Variants in CLVS1 observed in about 807,000 individuals in gnomAD.
The protein encoded by CLVS1 is clavesin-1.
In CLVS1, 10 loss-of-function variants were observed where a neutral mutation model predicts 33.1. The observed-to-expected ratio is 0.30, with a 90% CI of 0.19 to 0.51. CLVS1 has a LOEUF of 0.51. Ranked by LOEUF, CLVS1 falls within the 20% of genes least tolerant of loss-of-function variation. The pLI, the probability that CLVS1 is intolerant of heterozygous loss-of-function variation, is 0.97. For missense variants in CLVS1, 343 were observed against 433.4 expected (o/e 0.79, Z 1.85); for synonymous variants, 163 against 166.1 (o/e 0.98, Z 0.14).
chr8:61,069,413 CTT>C (rs1804749666), intron 1 of CLVS1, among the ~76,000 whole-genome samples: 2 of 73,688 alleles, frequency 2.7e-5, no homozygotes, highest in African/African-American at 1.1e-4. Context: ...CTCTCTCTTC[CTT>C]CCTTCCTTCC....
Position 61,499,708 on chromosome 8 carries a change from CA to C in CLVS1, c.*169del. The C allele has an allele frequency of 2.2e-6, 1 of 448,048 alleles. No homozygotes were observed. The highest frequency in any genetic ancestry group is 4.0e-6 in the Non-Finnish European group (1 of 247,276). The allele number at this position is 448,048 out of a possible 1,614,324, so 27.8% of individuals were successfully genotyped here. A position where few individuals can be genotyped will look rare whatever the true frequency, so the allele number is the denominator to read the frequency against. On this transcript the variant is annotated 3_prime_UTR_variant, in exon 6 of 6. Transcript: ENST00000325897. The stretch of plus-strand genomic sequence containing the variant: ...GTCACCAGCCATCGGTCTGAGCAGC[CA>C]AAGTTGGACAAAGACTTGAGAGATG...
intron 1 of CLVS1, among the ~76,000 whole-genome samples, chr8:61,093,594 G>A (rs1240091658): frequency 6.6e-6 from 1 of 152,240 alleles, no homozygotes; most frequent in African/African-American, 2.4e-5. Flanking sequence ...TCTATAGACA[G>A]TCCCTTTAGT....
chr8:61,197,814 C>T (rs535794196), intron 2 of CLVS1, among the ~76,000 whole-genome samples: 3 of 152,206 alleles, frequency 2.0e-5, no homozygotes, highest in Non-Finnish European at 4.4e-5. Flanking sequence ...GCCACAGTTT[C>T]ATTCATACCC....
chr8:61,324,666 A>G (rs150752184), intron 2 of CLVS1, among the ~76,000 whole-genome samples: 2,194 of 152,196 alleles, frequency 0.014, 43 homozygotes, highest in African/African-American at 0.049. Flanking sequence ...GATTTGTTGA[A>G]TGGCTTTGAC....
At chr8:61,003,897 CAAAAG>C in the CLVS1 span, among the ~76,000 whole-genome samples, 19 of 152,130 alleles carry the variant, frequency 1.2e-4, no homozygotes, top group Non-Finnish European at 1.5e-5. Flanking sequence ...GAAAAATTCT[CAAAAG>C]AAAGATAAAG....
chr8:61,263,122 C>T (rs1032057344), intron 2 of CLVS1, among the ~76,000 whole-genome samples: 2 of 152,080 alleles, frequency 1.3e-5, no homozygotes, highest in African/African-American at 4.8e-5. Flanking sequence ...CAAAGATGTC[C>T]CCGGCTAAGT....
the CLVS1 span, among the ~76,000 whole-genome samples, chr8:61,005,668 GC>G: frequency 6.6e-6 from 1 of 152,142 alleles, no homozygotes; most frequent in African/African-American, 2.4e-5. Flanking sequence ...TTGGAAAACT[GC>G]CGAGATATTT....
the CLVS1 span, among the ~76,000 whole-genome samples, chr8:61,018,266 C>G: frequency 1.3e-5 from 2 of 152,150 alleles, no homozygotes; most frequent in Admixed American, 6.5e-5. Context: ...CTCCAAATTT[C>G]GTGTTATTTT....
At chr8:61,253,643 C>T (rs1456427944) in intron 2 of CLVS1, among the ~76,000 whole-genome samples, 3 of 152,100 alleles carry the variant, frequency 2.0e-5, no homozygotes, top group African/African-American at 7.2e-5. Flanking sequence ...TTTCTCTAAA[C>T]TTCTCTTCTT....
intron 2 of CLVS1, among the ~76,000 whole-genome samples, chr8:61,218,592 C>G (rs1254874130): frequency 6.6e-6 from 1 of 150,558 alleles, no homozygotes; most frequent in Non-Finnish European, 1.5e-5. Flanking sequence ...TGTATTGAAA[C>G]ATTACTATGT....
intron 2 of CLVS1, among the ~76,000 whole-genome samples, chr8:61,192,991 A>G (rs1219375667): frequency 6.6e-6 from 1 of 152,294 alleles, no homozygotes; most frequent in East Asian, 1.9e-4. Context: ...AACTAGAAAT[A>G]CCATTTGACC....
chr8:61,037,642 T>C, the CLVS1 span, among the ~76,000 whole-genome samples: 2,832 of 152,268 alleles, frequency 0.019, 84 homozygotes, highest in African/African-American at 0.064. Context: ...CTCTTCAAAT[T>C]TGATAGCAGA....
chr8:61,185,150 T>G (rs1209556786), intron 2 of CLVS1, among the ~76,000 whole-genome samples: 1 of 132,318 alleles, frequency 7.6e-6, no homozygotes, highest in Non-Finnish European at 1.6e-5. Flanking sequence ...ATAGTTTTTG[T>G]TTTTGTTTTT....
the CLVS1 span, among the ~76,000 whole-genome samples, chr8:61,045,986 A>T: frequency 6.6e-6 from 1 of 152,166 alleles, no homozygotes; most frequent in South Asian, 2.1e-4. Context: ...GAAGCTCTTT[A>T]GTTTAATTAG....
the CLVS1 span, among the ~76,000 whole-genome samples, chr8:61,012,821 T>C: frequency 2.0e-5 from 3 of 152,200 alleles, no homozygotes; most frequent in African/African-American, 7.2e-5. Context: ...CCTCCTCACA[T>C]CTAGGGAGGC....
chr8:61,494,930 G>A (rs993727323), intron 5 of CLVS1, among the ~76,000 whole-genome samples: 1 of 152,146 alleles, frequency 6.6e-6, no homozygotes, highest in African/African-American at 2.4e-5. Context: ...CTCACTCAGG[G>A]AAAATGTAAA....
At chr8:61,409,494 G>C (rs927102891) in intron 3 of CLVS1, among the ~76,000 whole-genome samples, 7 of 152,052 alleles carry the variant, frequency 4.6e-5, no homozygotes, top group Non-Finnish European at 8.8e-5. Context: ...TATTTCTTTT[G>C]AATGTGCATA....
chr8:61,375,093 G>A (rs1813590652), intron 2 of CLVS1, among the ~76,000 whole-genome samples: 1 of 151,866 alleles, frequency 6.6e-6, no homozygotes, highest in African/African-American at 2.4e-5. Context: ...TACTCAAATT[G>A]TATTGATTCC....
At chr8:61,250,736 AG>A (rs1208599834) in intron 2 of CLVS1, among the ~76,000 whole-genome samples, 1 of 152,176 alleles carries the variant, frequency 6.6e-6, no homozygotes, top group African/African-American at 2.4e-5. Flanking sequence ...ATTGGTGTAA[AG>A]GAATGCATGT....
Sources: allele counts gnomAD v4.1 joint callset (sites outside exome capture counted in the v4.1 genomes callset), GRCh38; gene constraint gnomAD v4.1.1; transcripts MANE v1.5; gene names NCBI Gene and HGNC (gene_info 2026-07-23, HGNC 2026-07-21).